The following SLC35D2 variants were observed in gnomAD, a reference collection of about 807,000 sequenced individuals.
SLC35D2 encodes the protein nucleotide sugar transporter SLC35D2.
SLC35D2 carries 43 observed loss-of-function variants against 41.8 expected under a neutral mutation model. That is an observed-to-expected ratio of 1.03 (90% CI 0.81 to 1.33). The LOEUF is 1.33. SLC35D2 is among the 40% of genes most tolerant of loss of function. The probability of loss-of-function intolerance (pLI) is 0.00; values close to 1 mark genes in which losing one functional copy is unlikely to be tolerated. For synonymous variants in SLC35D2, 150 were observed against 163.9 expected (o/e 0.92, Z 0.65); for missense variants, 380 against 408.4 (o/e 0.93, Z 0.60).
At chr9:96,335,871 G>A (rs1829028937) in intron 9 of SLC35D2, among the ~76,000 whole-genome samples, 1 of 151,978 alleles carries the variant, frequency 6.6e-6, no homozygotes, top group African/African-American at 2.4e-5. Context: ...GGCTAATACA[G>A]TGAAACCCCA....
intron 4 of SLC35D2, 73 bp from the exon 5 acceptor site, chr9:96,352,182 A>G (rs1829839939): frequency 4.3e-6 from 4 of 932,620 alleles, no homozygotes; most frequent in African/African-American, 3.3e-5. Context: ...CATGTTTTAC[A>G]TTTTTAATTA....
In SLC35D2 at chr9:96,352,096, T is replaced by C; in HGVS notation, c.361A>G (p.Thr121Ala). The C allele has an allele frequency of 6.2e-7, 1 of 1,611,854 alleles. No individual in the cohort carries two copies. The highest frequency in any genetic ancestry group is 1.3e-5 in the African/African-American group (1 of 74,952). ...STSKLSLPMFTVLRKFTIPLT... is the reference protein window; with the variant it reads ...STSKLSLPMFAVLRKFTIPLT... Reference sequence around the variant, plus strand: ...GGAATGGTGAATTTCCTGAGCACGGTGAACATCGGTAGGCTGCCAGGAAAA... The same window carrying C: ...GGAATGGTGAATTTCCTGAGCACGGCGAACATCGGTAGGCTGCCAGGAAAA... The change falls in exon 5 of 12, where the codon ACC (threonine) becomes GCC (alanine). Residue 121 changes from threonine to alanine, a missense_variant. Thr to Ala is a moderately conservative substitution (Grantham distance 58, BLOSUM62 0). Transcript: ENST00000253270.
intron 8 of SLC35D2, among the ~76,000 whole-genome samples, chr9:96,342,691 T>C (rs1829388631): frequency 6.6e-6 from 1 of 152,168 alleles, no homozygotes; most frequent in Admixed American, 6.5e-5. Context: ...CCCGTGGAAA[T>C]GGCTGTTTGT....
chr9:96,362,197 T>A (rs1417816215), intron 3 of SLC35D2, among the ~76,000 whole-genome samples: 1 of 152,060 alleles, frequency 6.6e-6, no homozygotes, highest in East Asian at 1.9e-4. Context: ...TAAAAGCAGG[T>A]AAAACGAGAC....
chr9:96,351,619 CCAA>C, intron 5 of SLC35D2, among the ~76,000 whole-genome samples: 1 of 152,120 alleles, frequency 6.6e-6, no homozygotes, highest in African/African-American at 2.4e-5. Flanking sequence ...AAATTTTATA[CCAA>C]CAATATAAAA....
chr9:96,354,157 G>C lies in SLC35D2; in HGVS notation c.348-2048C>G, dbSNP rs762800823. ...ATTATGCCTTTTAAAAGCAAATAAG[G>C]TATACTTAATGGTTAAAAAGTGAAT... On this transcript the variant is annotated intron_variant, in intron 4 of 11. Transcript: ENST00000253270. 9.5e-4 allele frequency among the ~76,000 whole-genome samples: 145 copies of C among 152,296 alleles called. 1 individual carries two copies. In the Middle Eastern group the frequency reaches 0.01, roughly 11 times the overall value.
intron 1 of SLC35D2, among the ~76,000 whole-genome samples, chr9:96,381,099 G>A (rs944137282): frequency 1.3e-5 from 2 of 152,158 alleles, no homozygotes; most frequent in South Asian, 2.1e-4. Flanking sequence ...TTCTCCACCC[G>A]CCTGCCAGCC....
chr9:96,327,017 C>G (rs1828566750), intron 9 of SLC35D2, among the ~76,000 whole-genome samples: 1 of 152,188 alleles, frequency 6.6e-6, no homozygotes, highest in Admixed American at 6.5e-5. Flanking sequence ...GCCCCGGAGC[C>G]ACTCAGACCC....
chr9:96,321,444 G>T (rs1009719815), intron 11 of SLC35D2, 103 bp from the exon 12 acceptor site: 4 of 726,606 alleles, frequency 5.5e-6, no homozygotes, highest in Non-Finnish European at 9.4e-6. Context: ...CATGCGGAGG[G>T]AATTATTCCA....
At chr9:96,358,107 T>TATAC (rs1564114171) in intron 4 of SLC35D2, among the ~76,000 whole-genome samples, 1 of 138,506 alleles carries the variant, frequency 7.2e-6, no homozygotes, top group African/African-American at 2.8e-5. Flanking sequence ...TATATATATA[T>TATAC]ACCTGCAATG....
chr9:96,354,158 T>C (rs765954935), intron 4 of SLC35D2, among the ~76,000 whole-genome samples: 3 of 152,244 alleles, frequency 2.0e-5, no homozygotes, highest in Non-Finnish European at 4.4e-5. Flanking sequence ...GCAAATAAGG[T>C]ATACTTAATG....
rs57775451 is a variant in SLC35D2 at position 96,324,549 on chromosome 9, C to CTTTTTTTTTT, written c.753-390_753-381dup. Among the ~76,000 whole-genome samples, 30 of 117,736 alleles carry CTTTTTTTTTT rather than the reference C, an allele frequency of 2.5e-4. 2 individuals carry two copies. The highest frequency in any genetic ancestry group is 0.01 in the Middle Eastern group (2 of 200). 77.2% of individuals were successfully genotyped at this position (117,736 alleles called of 152,430 possible). On this transcript the variant is annotated intron_variant, in intron 9 of 11. Coordinates refer to ENST00000253270, the MANE Select transcript of SLC35D2 (RefSeq NM_007001.3). ...CTGTGCCTCAGAATCGCCTGCTGCA[C>CTTTTTTTTTT]TTTTTTTTTTTTTTTTTGGTGGGGA...
intron 1 of SLC35D2, among the ~76,000 whole-genome samples, chr9:96,372,552 G>A (rs1365390651): frequency 6.8e-6 from 1 of 146,434 alleles, no homozygotes; most frequent in Non-Finnish European, 1.5e-5. Flanking sequence ...GCTCCTCTCT[G>A]AGCTAAATAA....
chr9:96,376,476 G>A (rs1272704349), intron 1 of SLC35D2, among the ~76,000 whole-genome samples: 6 of 151,990 alleles, frequency 3.9e-5, no homozygotes, highest in African/African-American at 1.2e-4. Flanking sequence ...AGGCATGGTG[G>A]CGGGTGCCTG....
intron 2 of SLC35D2, among the ~76,000 whole-genome samples, chr9:96,366,517 A>ATTT (rs34820429): frequency 0.017 from 1,746 of 103,498 alleles, 45 homozygotes; most frequent in South Asian, 0.035. Context: ...CTTATCACTG[A>ATTT]TTTTTTTTTT....
chr9:96,359,403 A>G (rs1479893193), intron 4 of SLC35D2, among the ~76,000 whole-genome samples: 1 of 152,138 alleles, frequency 6.6e-6, no homozygotes, highest in Non-Finnish European at 1.5e-5. Context: ...AAAGACCCTG[A>G]AATGGGCCGG....
At chr9:96,363,642 T>C (rs1830369343) in intron 3 of SLC35D2, among the ~76,000 whole-genome samples, 2 of 152,240 alleles carry the variant, frequency 1.3e-5, no homozygotes, top group African/African-American at 4.8e-5. Flanking sequence ...TATTTCTATG[T>C]ATATCAAATT....
At chr9:96,340,950 C>T (rs1374359286) in intron 8 of SLC35D2, among the ~76,000 whole-genome samples, 1 of 151,956 alleles carries the variant, frequency 6.6e-6, no homozygotes, top group Non-Finnish European at 1.5e-5. Context: ...TACCACAAGC[C>T]AGAATAGGAG....
chr9:96,361,156 G>A (rs1005082206), intron 3 of SLC35D2, among the ~76,000 whole-genome samples: 2 of 152,168 alleles, frequency 1.3e-5, no homozygotes, highest in East Asian at 1.9e-4. Flanking sequence ...ACAGTTCAAC[G>A]ATACATATTA....
Sources: gnomAD v4.1 joint callset for allele counts (sites outside exome capture counted in the v4.1 genomes callset) on GRCh38, gnomAD v4.1.1 for gene constraint, MANE v1.5 for transcripts, NCBI Gene and HGNC (gene_info 2026-07-23, HGNC 2026-07-21) for gene names.